Variants in MAGI1 observed in about 807,000 individuals in gnomAD.
MAGI1 encodes membrane associated guanylate kinase, WW and PDZ domain containing 1.
In MAGI1, 58 loss-of-function variants were observed where a neutral mutation model predicts 139.9. That is an observed-to-expected ratio of 0.41 (90% CI 0.34 to 0.52). The LOEUF is 0.52. MAGI1 is among the 20% of genes least tolerant of loss of function. The pLI, the probability that MAGI1 is intolerant of heterozygous loss-of-function variation, is 0.12. For synonymous variants in MAGI1, 812 were observed against 737.9 expected, an observed-to-expected ratio of 1.10 and a Z score of -1.63; for missense variants, 1,874 against 1,901.6, an observed-to-expected ratio of 0.99 and a Z score of 0.27.
chr3:65,851,585 C>G (rs1354452880), intron 1 of MAGI1, among the ~76,000 whole-genome samples: 1 of 152,002 alleles, frequency 6.6e-6, no homozygotes, highest in Non-Finnish European at 1.5e-5. Context: ...CTCATCTCTA[C>G]TAAAAATACA....
chr3:65,592,282 C>T (rs183796491), intron 2 of MAGI1, among the ~76,000 whole-genome samples: 1 of 152,248 alleles, frequency 6.6e-6, no homozygotes, highest in East Asian at 1.9e-4. Context: ...CATCTACTGA[C>T]ATGGAAAGTT....
chr3:65,891,351 C>G (rs1282193738), intron 1 of MAGI1, among the ~76,000 whole-genome samples: 1 of 152,054 alleles, frequency 6.6e-6, no homozygotes, highest in Non-Finnish European at 1.5e-5. Flanking sequence ...ATTTACTGAG[C>G]ACCTATTACA....
intron 1 of MAGI1, among the ~76,000 whole-genome samples, chr3:65,846,368 T>A (rs183399139): frequency 6.6e-5 from 10 of 152,306 alleles, no homozygotes; most frequent in Admixed American, 6.5e-4. Flanking sequence ...CTCTGCAAAA[T>A]TGCAAATCAA....
intron 12 of MAGI1, among the ~76,000 whole-genome samples, chr3:65,419,529 C>T (rs980994347): frequency 6.6e-6 from 1 of 152,122 alleles, no homozygotes; most frequent in African/African-American, 2.4e-5. Flanking sequence ...TTTTTCCTGA[C>T]CTAACCTCAC....
At chr3:65,959,798 CTTTTTTTT>C (rs33978400) in intron 1 of MAGI1, among the ~76,000 whole-genome samples, 10 of 60,266 alleles carry the variant, frequency 1.7e-4, no homozygotes, top group Admixed American at 6.3e-4. Context: ...TAAATTCTCT[CTTTTTTTT>C]TTTTTTTTTT....
Position 65,752,806 on chromosome 3 carries a change from T to C in MAGI1, c.314-130718A>G, listed in dbSNP as rs966537262. On this transcript the variant is annotated intron_variant, in intron 1 of 22. Coordinates refer to ENST00000402939, the MANE Select transcript of MAGI1 (RefSeq NM_001033057.2). ...CCCGACTTCAATCCTTGACATCTTA[T>C]CATCTTGGCCTGCTTTCAGCAAGAA... is the stretch of plus-strand genomic sequence containing the variant. 2.0e-5 allele frequency among the ~76,000 whole-genome samples: 3 copies of C among 152,196 alleles called. No individual in the cohort carries two copies. The East Asian group carries it at 5.8e-4, about 29-fold the overall frequency.
intron 1 of MAGI1, among the ~76,000 whole-genome samples, chr3:65,768,833 T>C (rs1490000857): frequency 1.3e-5 from 2 of 152,116 alleles, no homozygotes; most frequent in African/African-American, 2.4e-5. Context: ...TTTTAGAAAA[T>C]GTGAAAAATG....
At chr3:65,922,968 T>C (rs1354611633) in intron 1 of MAGI1, among the ~76,000 whole-genome samples, 1 of 152,148 alleles carries the variant, frequency 6.6e-6, no homozygotes, top group Non-Finnish European at 1.5e-5. Flanking sequence ...AACAGGAACA[T>C]CTGGCTATGC....
rs1311363311 is a variant in MAGI1, at chr3:65,605,056, G to A, written c.430+16916C>T. 5.3e-5 allele frequency among the ~76,000 whole-genome samples: 8 copies of A among 152,166 alleles called. No homozygotes were observed. The East Asian group carries it at 1.5e-3, about 29-fold the overall frequency. On this transcript the variant is annotated intron_variant, in intron 2 of 22. Coordinates refer to ENST00000402939, the MANE Select transcript of MAGI1 (RefSeq NM_001033057.2). The stretch of plus-strand genomic sequence containing the variant: ...ATATGCAACTTAAGATAGCTAATGA[G>A]AGAAGAACCATTCTACGACAGCTCT...
chr3:65,505,812 T>A (rs1362373423), intron 2 of MAGI1, among the ~76,000 whole-genome samples: 1 of 152,054 alleles, frequency 6.6e-6, no homozygotes, highest in Non-Finnish European at 1.5e-5. Context: ...TATTATTATG[T>A]ATAAATTGTG....
intron 5 of MAGI1, 127 bp from the exon 6 acceptor site, chr3:65,453,467 C>T (rs1364536187): frequency 1.5e-6 from 1 of 689,372 alleles, no homozygotes; most frequent in African/African-American, 1.8e-5. Context: ...TTTCCAACAG[C>T]AAATCCAAAC....
chr3:65,604,203 A>T lies in MAGI1; in HGVS notation c.430+17769T>A, dbSNP rs2082624515. Among the ~76,000 whole-genome samples, 4 of 152,252 alleles carry T rather than the reference A, an allele frequency of 2.6e-5. No homozygotes were observed. In the South Asian group the frequency reaches 8.3e-4, roughly 32 times the overall value. ...AAAACATCCAAATGCAAAAAAAAAA[A>T]GTATCTGAGGATCAAGAAATATTGG... On this transcript the variant is annotated intron_variant, in intron 2 of 22. Transcript: ENST00000402939.
At chr3:65,989,201 G>A (rs1473889367) in intron 1 of MAGI1, among the ~76,000 whole-genome samples, 1 of 152,136 alleles carries the variant, frequency 6.6e-6, no homozygotes, top group Non-Finnish European at 1.5e-5. Flanking sequence ...GATTTTAAGA[G>A]GATTTATATA....
chr3:65,774,358 T>G (rs1350278706), intron 1 of MAGI1, among the ~76,000 whole-genome samples: 2 of 152,226 alleles, frequency 1.3e-5, no homozygotes, highest in Non-Finnish European at 2.9e-5. Flanking sequence ...TTTTCACCCA[T>G]GAATTTATTG....
At chr3:65,419,454 G>A (rs138776615) in intron 12 of MAGI1, among the ~76,000 whole-genome samples, 1 of 152,128 alleles carries the variant, frequency 6.6e-6, no homozygotes, top group Non-Finnish European at 1.5e-5. Context: ...TCACAGCCCA[G>A]TAATAGGTCA....
chr3:65,945,017 G>A (rs926460871), intron 1 of MAGI1, among the ~76,000 whole-genome samples: 2 of 152,170 alleles, frequency 1.3e-5, no homozygotes, highest in African/African-American at 4.8e-5. Flanking sequence ...CATCCATCAC[G>A]TTACAACATA....
chr3:65,391,589 G>A (rs1321468700), intron 13 of MAGI1, among the ~76,000 whole-genome samples: 1 of 152,168 alleles, frequency 6.6e-6, no homozygotes, highest in Admixed American at 6.5e-5. Context: ...AACCCATACT[G>A]CTCTCTGGGC....
At chr3:65,684,868 ATTTTTTTTTTTTTTT>A (rs761948943) in intron 1 of MAGI1, among the ~76,000 whole-genome samples, 2 of 98,182 alleles carry the variant, frequency 2.0e-5, no homozygotes, top group Admixed American at 1.0e-4. Context: ...CACCTGGCTA[ATTTTTTTTTTTTTTT>A]TTTTTTTTTT....
chr3:66,037,068 T>C (rs1333608346), intron 1 of MAGI1, among the ~76,000 whole-genome samples: 1 of 152,140 alleles, frequency 6.6e-6, no homozygotes, highest in African/African-American at 2.4e-5. Flanking sequence ...TCCTCCTCCA[T>C]ACTTAAGGCT....
Sources: gnomAD v4.1 joint callset for allele counts (sites outside exome capture counted in the v4.1 genomes callset) on GRCh38, gnomAD v4.1.1 for gene constraint, MANE v1.5 for transcripts, NCBI Gene and HGNC (gene_info 2026-07-23, HGNC 2026-07-21) for gene names.